TEX11: variants seen among roughly 807,000 people sequenced by gnomAD.
TEX11 encodes the protein testis-expressed protein 11.
In TEX11, 7 loss-of-function variants were observed where a neutral mutation model predicts 84.4. That is an observed-to-expected ratio of 0.08 (90% CI 0.05 to 0.16). TEX11 has a LOEUF of 0.16. TEX11 is among the 10% of genes least tolerant of loss of function. The pLI is 1.00. For synonymous variants in TEX11, 264 were observed against 222.8 expected, an observed-to-expected ratio of 1.18 and a Z score of -1.64; for missense variants, 551 against 660.5, an observed-to-expected ratio of 0.83 and a Z score of 1.82.
At chrX:70,870,816 A>T (rs1453089247) in intron 4 of TEX11, among the ~76,000 whole-genome samples, 1 of 111,956 alleles carries the variant, frequency 8.9e-6, no homozygotes, top group African/African-American at 3.2e-5. Flanking sequence ...AATTATAGAC[A>T]TGCCCAGGTT....
At chrX:70,829,937 T>C (rs2091368172) in intron 8 of TEX11, among the ~76,000 whole-genome samples, 1 of 110,284 alleles carries the variant, frequency 9.1e-6, no homozygotes, top group Non-Finnish European at 1.9e-5. Flanking sequence ...GAAAGAAATA[T>C]AATAGAATAA....
chrX:70,893,653 A>G (rs1767884031), intron 2 of TEX11, among the ~76,000 whole-genome samples: 1 of 111,668 alleles, frequency 9.0e-6, no homozygotes, highest in Non-Finnish European at 1.9e-5. Flanking sequence ...CCCAAACATC[A>G]CAATTAAAAG....
intron 22 of TEX11, among the ~76,000 whole-genome samples, chrX:70,607,975 C>A (rs1271899147): frequency 1.8e-5 from 2 of 112,365 alleles, no homozygotes; most frequent in Admixed American, 9.4e-5. Flanking sequence ...CCCTATTAAA[C>A]CTCATAACAC....
chrX:70,783,189 C>T (rs1365406646), intron 9 of TEX11, among the ~76,000 whole-genome samples: 1 of 111,863 alleles, frequency 8.9e-6, no homozygotes, highest in Non-Finnish European at 1.9e-5. Flanking sequence ...ACTCAAAACA[C>T]ACAACTACAT....
chrX:70,765,820 C>T (rs988371242), intron 9 of TEX11, among the ~76,000 whole-genome samples: 4 of 111,628 alleles, frequency 3.6e-5, no homozygotes, highest in African/African-American at 1.3e-4. Flanking sequence ...CGAACATCCA[C>T]TTTGGAAAAA....
chrX:70,568,131 G>T (rs1166808987), intron 25 of TEX11, among the ~76,000 whole-genome samples: 1 of 111,707 alleles, frequency 9.0e-6, no homozygotes, highest in African/African-American at 3.3e-5. Context: ...AGCTCTTCTT[G>T]TTGAATTGAT....
chrX:70,555,855 C>T (rs1184226635), intron 25 of TEX11, among the ~76,000 whole-genome samples: 1 of 111,765 alleles, frequency 8.9e-6, no homozygotes, highest in African/African-American at 3.2e-5. Flanking sequence ...CTTGAGGGAG[C>T]TTTGGTAGTT....
Position 70,744,241 on chromosome X carries a change from A to AAAT in TEX11, c.693-23_693-22insATT, listed in dbSNP as rs1556037145. 3,160 of 629,201 alleles carry AAAT rather than the reference A, an allele frequency of 5.0e-3. 63 individuals are homozygous for AAAT. In the East Asian group the frequency reaches 0.066, roughly 13 times the overall value. The allele number at this position is 629,201 out of a possible 1,213,427, so 51.9% of individuals were successfully genotyped here. A position where few individuals can be genotyped will look rare whatever the true frequency, so the allele number is the denominator to read the frequency against. ...TTGGCTATCATTAAAAAGGAAAAAA[A>AAAT]ATATATATATATATATAAACATATA... On this transcript the variant is annotated intron_variant, in intron 9 of 29. Transcript: ENST00000374333.
At chrX:70,589,615 G>A (rs771087749) in intron 25 of TEX11, among the ~76,000 whole-genome samples, 19 of 111,395 alleles carry the variant, frequency 1.7e-4, no homozygotes, top group Admixed American at 1.4e-3. Context: ...CTCCGCCTGC[G>A]GGGTTCAAGC....
At chrX:70,605,267 C>T in intron 24 of TEX11, 134 bp downstream of exon 24, 1 of 403,681 alleles carries the variant, frequency 2.5e-6, no homozygotes, top group Non-Finnish European at 4.3e-6. Context: ...CCATTACAAA[C>T]TTTTGAAATC....
chrX:70,626,404 TCTA>T (rs1434831697), intron 18 of TEX11, among the ~76,000 whole-genome samples: 2 of 110,004 alleles, frequency 1.8e-5, no homozygotes, highest in African/African-American at 6.6e-5. Flanking sequence ...TTTCACACAT[TCTA>T]CTTTCTGTCT....
chrX:70,700,763 C>G (rs183378939), intron 13 of TEX11, among the ~76,000 whole-genome samples: 5 of 112,122 alleles, frequency 4.5e-5, no homozygotes, highest in African/African-American at 1.6e-4. Context: ...GCCAAACAGC[C>G]AAATTGCGAC....
At chrX:70,902,696 G>A (rs143206055) in intron 2 of TEX11, among the ~76,000 whole-genome samples, 56 of 110,531 alleles carry the variant, frequency 5.1e-4, no homozygotes, top group African/African-American at 1.7e-3. Context: ...GTGCCACCAT[G>A]CCATGATAAT....
At chrX:70,837,439 G>A (rs913218855) in intron 7 of TEX11, among the ~76,000 whole-genome samples, 2 of 110,502 alleles carry the variant, frequency 1.8e-5, no homozygotes, top group African/African-American at 6.6e-5. Flanking sequence ...GCACATGCCT[G>A]TAATCTCACG....
chrX:70,698,010 AT>A (rs1008545213), intron 13 of TEX11, among the ~76,000 whole-genome samples: 1 of 110,837 alleles, frequency 9.0e-6, no homozygotes, highest in African/African-American at 3.3e-5. Flanking sequence ...TTTTATTTTT[AT>A]TTTTTATTAT....
chrX:70,783,586 A>C lies in TEX11; in HGVS notation c.692+23119T>G, dbSNP rs375407490. On this transcript the variant is annotated intron_variant, in intron 9 of 29. Coordinates refer to ENST00000374333, the MANE Select transcript of TEX11 (RefSeq NM_031276.3). ...AAATTGATAGACCGCTAGCAAGACT[A>C]ACAAAGAAGAAAAGAAAGAAGAATC... is the stretch of plus-strand genomic sequence containing the variant. Among the ~76,000 whole-genome samples, 301 of 111,959 alleles carry C rather than the reference A, an allele frequency of 2.7e-3. 1 individual carries two copies. Among genetic ancestry groups the C allele is most frequent in the Non-Finnish European group, 4.8e-3 (256 of 53,200 alleles).
At chrX:70,692,023 T>C (rs1378313537) in intron 13 of TEX11, among the ~76,000 whole-genome samples, 1 of 111,429 alleles carries the variant, frequency 9.0e-6, no homozygotes, top group Non-Finnish European at 1.9e-5. Context: ...AAAACTGATA[T>C]AGGAGGGTTG....
At chrX:70,819,523 C>T (rs953439086) in intron 8 of TEX11, among the ~76,000 whole-genome samples, 2 of 110,722 alleles carry the variant, frequency 1.8e-5, no homozygotes, top group African/African-American at 6.6e-5. Context: ...CGATCTAGTA[C>T]AAGGCAAGGA....
intron 11 of TEX11, among the ~76,000 whole-genome samples, chrX:70,729,971 C>A (rs4551516): frequency 9.0e-6 from 1 of 111,392 alleles, no homozygotes; most frequent in Non-Finnish European, 1.9e-5. Context: ...TCGGCAGAAA[C>A]TCTACAAGCC....
Sources: allele counts gnomAD v4.1 joint callset (sites outside exome capture counted in the v4.1 genomes callset), GRCh38; gene constraint gnomAD v4.1.1; transcripts MANE v1.5; gene names NCBI Gene and HGNC (gene_info 2026-07-23, HGNC 2026-07-21).